The following CYP27C1 variants were observed in gnomAD, a reference collection of about 807,000 sequenced individuals.
CYP27C1 encodes the protein cytochrome P450 27C1.
Under a neutral mutation model 40.6 loss-of-function variants are expected in CYP27C1, and 29 were observed. That is an observed-to-expected ratio of 0.71 (90% CI 0.53 to 0.97). CYP27C1 has a LOEUF of 0.97. CYP27C1 is among the 50% of genes least tolerant of loss of function. CYP27C1 has a pLI of 0.00. For synonymous variants in CYP27C1, 198 were observed against 186.8 expected (o/e 1.06, Z -0.49); for missense variants, 390 against 485.8 (o/e 0.80, Z 1.85).
chr2:127,213,590 TG>T (rs1238477085), intron 1 of CYP27C1, among the ~76,000 whole-genome samples: 5 of 152,200 alleles, frequency 3.3e-5, no homozygotes, highest in Non-Finnish European at 7.3e-5. Flanking sequence ...CAGTATATGG[TG>T]CTGGGAAAAC....
chr2:127,188,100 G>C (rs562521576), intron 8 of CYP27C1, among the ~76,000 whole-genome samples: 4 of 152,182 alleles, frequency 2.6e-5, no homozygotes, highest in African/African-American at 4.8e-5. Flanking sequence ...TTCTGTCCAC[G>C]GACAGGCTCC....
rs1229232553 is a variant in CYP27C1, at chr2:127,220,233, C to T, written c.38G>A (p.Arg13Gln). Among the ~76,000 whole-genome samples, 1 of 151,292 alleles carries T rather than the reference C, an allele frequency of 6.6e-6. No homozygotes were observed. The highest frequency in any genetic ancestry group is 2.4e-5 in the African/African-American group (1 of 41,318). Residue 13 changes from arginine to glutamine, a missense_variant, in exon 1 of 9, where the codon CGG (arginine) becomes CAG (glutamine). By Grantham distance (43) the Arg-to-Gln change is conservative (BLOSUM62 1). Coordinates refer to ENST00000664447, the MANE Select transcript of CYP27C1 (RefSeq NM_001367502.1). The surrounding 1 kb of genome is among the most constrained non-coding windows in gnomAD (Gnocchi z 4.6). ...GAGCCCACCCCGCTCGGGCGCCGGC[C>T]GCAGCCCGGCTCTCAGGATCCGCGC... The part of the protein sequence containing the change: ...LLARILRAGL[R>Q]PAPERGGLLG...
chr2:127,211,680 C>T (rs1221301611), intron 1 of CYP27C1, among the ~76,000 whole-genome samples: 1 of 151,918 alleles, frequency 6.6e-6, no homozygotes, highest in Non-Finnish European at 1.5e-5. Context: ...CCACTGCGCC[C>T]GGCCTAAAGC....
intron 5 of CYP27C1, among the ~76,000 whole-genome samples, chr2:127,198,372 G>A (rs929040521): frequency 6.6e-6 from 1 of 152,116 alleles, no homozygotes; most frequent in African/African-American, 2.4e-5. Flanking sequence ...TATTTTAAAT[G>A]ATAACTAATA....
At chr2:127,212,210 T>G (rs144873826) in intron 1 of CYP27C1, among the ~76,000 whole-genome samples, 2 of 152,180 alleles carry the variant, frequency 1.3e-5, no homozygotes, top group Non-Finnish European at 2.9e-5. Flanking sequence ...CAGGACTAGA[T>G]GGATTCACAG....
At chr2:127,203,175 A>G (rs1415049154) in intron 3 of CYP27C1, among the ~76,000 whole-genome samples, 197 bp downstream of exon 3, 2 of 151,728 alleles carry the variant, frequency 1.3e-5, no homozygotes, top group East Asian at 1.9e-4. Flanking sequence ...CTCAGAAAAA[A>G]AAAAAAAAAG....
intron 1 of CYP27C1, among the ~76,000 whole-genome samples, chr2:127,217,392 C>G (rs1683451426): frequency 6.6e-6 from 1 of 152,200 alleles, no homozygotes; most frequent in Non-Finnish European, 1.5e-5. Flanking sequence ...GAAAAGAGTT[C>G]TAGAAATACT....
At position 127,209,337 on chromosome 2, in the gene CYP27C1, C is replaced by A. The variant is rs929702242; in HGVS notation, c.283-3247G>T. On this transcript the variant is annotated intron_variant, in intron 1 of 8. Coordinates refer to ENST00000664447, the MANE Select transcript of CYP27C1 (RefSeq NM_001367502.1). This position sits in a 1 kb window ranked among gnomAD's most constrained non-coding sequence, Gnocchi z 4.1. ...CATTGATAACAACAACAAAAAAAGGCCCCCACAAAAACCCCATCCAAGGGT... is the reference window on the plus strand; with the variant it reads ...CATTGATAACAACAACAAAAAAAGGACCCCACAAAAACCCCATCCAAGGGT... Among the ~76,000 whole-genome samples the A allele has an allele frequency of 1.3e-5, 2 of 152,086 alleles. No homozygotes were observed. The highest frequency in any genetic ancestry group is 4.8e-5 in the African/African-American group (2 of 41,410).
intron 1 of CYP27C1, among the ~76,000 whole-genome samples, chr2:127,217,803 G>C (rs11889129): frequency 6.6e-6 from 1 of 152,292 alleles, no homozygotes; most frequent in African/African-American, 2.4e-5. Flanking sequence ...CAAGGGGAGC[G>C]CAAGTGAACT....
At chr2:127,205,152 GC>G (rs1683195747) in intron 2 of CYP27C1, among the ~76,000 whole-genome samples, 1 of 152,202 alleles carries the variant, frequency 6.6e-6, no homozygotes, top group South Asian at 2.1e-4. Flanking sequence ...CAGCATTCGG[GC>G]CCCTCTAGGC....
intron 1 of CYP27C1, among the ~76,000 whole-genome samples, chr2:127,210,024 A>C (rs1332240927): frequency 2.6e-5 from 4 of 152,192 alleles, no homozygotes; most frequent in African/African-American, 9.7e-5. Flanking sequence ...AACACCATTA[A>C]AATACTCCAC....
intron 1 of CYP27C1, among the ~76,000 whole-genome samples, chr2:127,216,237 C>T (rs1417155428): frequency 6.6e-6 from 1 of 152,140 alleles, no homozygotes; most frequent in East Asian, 1.9e-4. Context: ...AAACCTTACA[C>T]ACAAAAATTC....
intron 8 of CYP27C1, among the ~76,000 whole-genome samples, chr2:127,192,659 C>G (rs1373493858): frequency 9.3e-6 from 1 of 107,538 alleles, no homozygotes; most frequent in Non-Finnish European, 2.0e-5. Context: ...GAGAGGCCAG[C>G]TCCTAACTGC....
At chr2:127,193,436 G>A in intron 7 of CYP27C1, 139 bp from the exon 8 acceptor site, 3 of 906,434 alleles carry the variant, frequency 3.3e-6, no homozygotes, top group Non-Finnish European at 1.7e-6. Flanking sequence ...ACCCAGGATG[G>A]CAGCCGCTCC....
intron 7 of CYP27C1, among the ~76,000 whole-genome samples, 193 bp from the exon 8 acceptor site, chr2:127,193,490 C>T (rs1682831381): frequency 6.6e-6 from 1 of 152,332 alleles, no homozygotes; most frequent in Middle Eastern, 3.4e-3. Context: ...ACTGCAGCCA[C>T]TGAGAAGACC....
Position 127,193,865 on chromosome 2 carries a change from A to C in CYP27C1, c.1217T>G (p.Leu406Arg). 6.2e-7 allele frequency: 1 copy of C among 1,614,228 alleles called. No homozygotes were observed. The change falls in exon 7 of 9, where the codon CTG becomes CGG. Residue 406 changes from leucine to arginine, a missense_variant and splice_region_variant. Transcript: ENST00000664447. ...VRALLKETLR[L>R]FPVLPGNGRV... ...GCCGTTCCCTGGCAGCACTGGAAACAGCCTGGAAAAGAGCCAGCGGGGACG... is the reference window on the plus strand; with the variant it reads ...GCCGTTCCCTGGCAGCACTGGAAACCGCCTGGAAAAGAGCCAGCGGGGACG...
At position 127,195,250 on chromosome 2, in the gene CYP27C1, G is replaced by T. The variant is rs1391237628; in HGVS notation, c.1214+85C>A. 6 of 1,560,120 alleles carry T rather than the reference G, an allele frequency of 3.8e-6. No individual in the cohort carries two copies. In the Admixed American group the frequency reaches 5.1e-5, roughly 13 times the overall value. On this transcript the variant is annotated intron_variant, in intron 6 of 8. Coordinates refer to ENST00000664447, the MANE Select transcript of CYP27C1 (RefSeq NM_001367502.1). This position sits in a 1 kb window ranked among gnomAD's most constrained non-coding sequence, Gnocchi z 6.2. ...ATCCTCATCCTGAACAGGTCAGCCGGGGGGGCATTTGGAGGACTTGTTGTG... is the reference window on the plus strand; with the variant it reads ...ATCCTCATCCTGAACAGGTCAGCCGTGGGGGCATTTGGAGGACTTGTTGTG...
chr2:127,199,459 T>C lies in CYP27C1; in HGVS notation c.964A>G (p.Thr322Ala), dbSNP rs747263768. 8.7e-6 allele frequency: 14 copies of C among 1,614,086 alleles called. No homozygotes were observed. In the Admixed American group the frequency reaches 1.2e-4, roughly 13 times the overall value. The change falls in exon 5 of 9, where the codon ACA becomes GCA. Residue 322 changes from threonine (T) to alanine (A), a missense_variant. Coordinates refer to ENST00000664447, the MANE Select transcript of CYP27C1 (RefSeq NM_001367502.1). ...RGRRVSGGLL[T>A]YLFLSQALTL... ...AGAGCCTGGCTAAGGAAGAGGTATG[T>C]GAGAAGTCCCCCGCTCACCCTCCGG...
intron 8 of CYP27C1, among the ~76,000 whole-genome samples, chr2:127,192,630 G>A (rs562732633): frequency 6.8e-6 from 1 of 147,728 alleles, no homozygotes; most frequent in Non-Finnish European, 1.5e-5. Flanking sequence ...GGGGGGGGGG[G>A]CTGCTGCTGA....
Sources: allele counts gnomAD v4.1 joint callset (sites outside exome capture counted in the v4.1 genomes callset), GRCh38; gene constraint gnomAD v4.1.1; non-coding constraint Gnocchi (gnomAD v3.1); transcripts MANE v1.5; gene names NCBI Gene and HGNC (gene_info 2026-07-23, HGNC 2026-07-21).